OPCML: variants seen among roughly 807,000 people sequenced by gnomAD.
OPCML encodes the protein opioid-binding protein/cell adhesion molecule.
OPCML carries 13 observed loss-of-function variants against 37.8 expected under a neutral mutation model. The observed-to-expected ratio is 0.34, with a 90% CI of 0.22 to 0.55. The LOEUF is 0.55. OPCML is among the 20% of genes least tolerant of loss of function. The pLI is 0.91. For missense variants in OPCML, 341 were observed against 435.6 expected (o/e 0.78, Z 1.93); for synonymous variants, 176 against 168.8 (o/e 1.04, Z -0.33).
chr11:133,285,883 T>C (rs193269926), intron 1 of OPCML, among the ~76,000 whole-genome samples: 1 of 152,284 alleles, frequency 6.6e-6, no homozygotes, highest in East Asian at 1.9e-4. Flanking sequence ...CAGTAAAACG[T>C]ATGGTCCTGC....
chr11:132,976,578 T>C lies in OPCML; in HGVS notation c.62-33568A>G, dbSNP rs546063068. Among the ~76,000 whole-genome samples, 7 of 152,218 alleles carry C rather than the reference T, an allele frequency of 4.6e-5. No homozygotes were observed. The East Asian group carries it at 1.4e-3, about 29-fold the overall frequency. ...GTGTTCAAGTTGATTTGCAGAAAAA[T>C]GGGATGATGATTTTATAATAGCTAA... On this transcript the variant is annotated intron_variant, in intron 1 of 7. Transcript: ENST00000524381.
intron 4 of OPCML, among the ~76,000 whole-genome samples, chr11:132,473,660 T>C (rs555694922): frequency 6.6e-6 from 1 of 152,244 alleles, no homozygotes; most frequent in East Asian, 1.9e-4. Context: ...ATTCTGTCTC[T>C]ACAAAAAATT....
At chr11:133,052,496 T>C (rs1243742661) in intron 1 of OPCML, among the ~76,000 whole-genome samples, 1 of 152,192 alleles carries the variant, frequency 6.6e-6, no homozygotes, top group Non-Finnish European at 1.5e-5. Flanking sequence ...GGAGACTTCA[T>C]GTCCACGTGC....
At chr11:132,830,272 T>A (rs1337626304) in intron 2 of OPCML, among the ~76,000 whole-genome samples, 2 of 152,236 alleles carry the variant, frequency 1.3e-5, no homozygotes, top group Non-Finnish European at 2.9e-5. Flanking sequence ...CCATGCCAAC[T>A]TCTCTGAGCT....
chr11:132,977,009 T>C (rs1261148867), intron 1 of OPCML, among the ~76,000 whole-genome samples: 2 of 152,190 alleles, frequency 1.3e-5, no homozygotes, highest in Non-Finnish European at 2.9e-5. Flanking sequence ...AAGACCCTTG[T>C]CCCACATACT....
chr11:132,764,569 T>A (rs1946373938), intron 2 of OPCML, among the ~76,000 whole-genome samples: 1 of 152,180 alleles, frequency 6.6e-6, no homozygotes, highest in Non-Finnish European at 1.5e-5. Flanking sequence ...AAGGTTATCA[T>A]GAGAATCAAA....
chr11:133,273,143 G>A (rs900818171), intron 1 of OPCML, among the ~76,000 whole-genome samples: 9 of 152,248 alleles, frequency 5.9e-5, no homozygotes, highest in East Asian at 3.9e-4. Context: ...TCCCTAGGAC[G>A]CACGACTATC....
chr11:133,299,996 G>C (rs1272346466), intron 1 of OPCML: 1 of 152,110 alleles, frequency 6.6e-6, no homozygotes, highest in Non-Finnish European at 1.5e-5. Context: ...TTAAATTCTG[G>C]AGACACAAAG....
chr11:132,877,560 A>C (rs1943066473), intron 2 of OPCML, among the ~76,000 whole-genome samples: 1 of 152,160 alleles, frequency 6.6e-6, no homozygotes, highest in East Asian at 1.9e-4. Context: ...CAGTCCTCAT[A>C]GGTATGATGT....
chr11:133,473,190 C>T (rs1284059325), intron 1 of OPCML, among the ~76,000 whole-genome samples: 1 of 152,124 alleles, frequency 6.6e-6, no homozygotes, highest in East Asian at 1.9e-4. Context: ...AGGCAGGCAA[C>T]AAGGTTGACA....
chr11:133,238,414 G>A (rs749274545), intron 1 of OPCML, among the ~76,000 whole-genome samples: 3 of 152,204 alleles, frequency 2.0e-5, no homozygotes, highest in Non-Finnish European at 4.4e-5. Context: ...TTGATTACTT[G>A]TTATTACAAT....
In OPCML at chr11:132,506,723, T is replaced by C. The variant is rs558965132; in HGVS notation, c.505+22338A>G. 1.2e-3 allele frequency among the ~76,000 whole-genome samples: 176 copies of C among 152,078 alleles called. 1 individual carries two copies. The highest frequency in any genetic ancestry group is 1.8e-3 in the Non-Finnish European group (124 of 67,940). On this transcript the variant is annotated intron_variant, in intron 4 of 7. Coordinates refer to ENST00000524381, the MANE Select transcript of OPCML (RefSeq NM_001012393.5). ...GAAAATATAAATCTAACCACCACTA[T>C]AAAAAATCAAATATTTATTTCAAAA...
intron 1 of OPCML, among the ~76,000 whole-genome samples, chr11:132,966,784 C>A (rs1280941637): frequency 6.6e-6 from 1 of 151,944 alleles, no homozygotes; most frequent in African/African-American, 2.4e-5. Context: ...TGGATTGACC[C>A]TTTTATCATA....
intron 3 of OPCML, among the ~76,000 whole-genome samples, chr11:132,643,498 G>T (rs936541222): frequency 6.6e-6 from 1 of 152,118 alleles, no homozygotes; most frequent in Non-Finnish European, 1.5e-5. Flanking sequence ...CCAGGGAGGC[G>T]CCCTCAGAAC....
At chr11:132,614,732 T>C (rs1434739136) in intron 3 of OPCML, among the ~76,000 whole-genome samples, 2 of 152,246 alleles carry the variant, frequency 1.3e-5, no homozygotes, top group African/African-American at 4.8e-5. Flanking sequence ...ATGGCATTGA[T>C]GATGGGATAG....
chr11:132,942,824 C>T, intron 2 of OPCML, 102 bp downstream of exon 2: 1 of 1,482,968 alleles, frequency 6.7e-7, no homozygotes. Context: ...ACAAGGCCCA[C>T]TCGCGTTCCG....
chr11:133,441,631 A>G (rs1814153717), intron 1 of OPCML, among the ~76,000 whole-genome samples: 1 of 152,196 alleles, frequency 6.6e-6, no homozygotes, highest in African/African-American at 2.4e-5. Context: ...GTTTGTTTTA[A>G]AAGTCTTGTT....
rs145519406 is a variant in OPCML, at chr11:132,499,416, G to A, written c.505+29645C>T. Among the ~76,000 whole-genome samples the A allele has an allele frequency of 6.1e-4, 93 of 152,284 alleles. 1 individual carries two copies. Among genetic ancestry groups the A allele is most frequent in the Middle Eastern group, 6.8e-3 (2 of 294 alleles). ...AGGGGTCTTGCCTCATCACTATGCC[G>A]TAGGTTTCCTTGTTAGGCCTGGCAC... is the stretch of plus-strand genomic sequence containing the variant. On this transcript the variant is annotated intron_variant, in intron 4 of 7. Coordinates refer to ENST00000524381, the MANE Select transcript of OPCML (RefSeq NM_001012393.5).
At chr11:133,197,865 A>G (rs1938597759) in intron 1 of OPCML, among the ~76,000 whole-genome samples, 1 of 152,168 alleles carries the variant, frequency 6.6e-6, no homozygotes, top group African/African-American at 2.4e-5. Context: ...CGGGTGAAAA[A>G]GGGAGAAAAC....
Sources: allele counts gnomAD v4.1 joint callset (sites outside exome capture counted in the v4.1 genomes callset), GRCh38; gene constraint gnomAD v4.1.1; transcripts MANE v1.5; gene names NCBI Gene and HGNC (gene_info 2026-07-23, HGNC 2026-07-21).